The following B3GAT1 variants were observed in gnomAD, a reference collection of about 807,000 sequenced individuals.
B3GAT1 encodes the protein galactosylgalactosylxylosylprotein 3-beta-glucuronosyltransferase 1.
A neutral mutation model predicts 28.4 loss-of-function variants in B3GAT1; 11 were observed. The observed-to-expected ratio is 0.39, with a 90% CI of 0.24 to 0.64. The LOEUF (loss-of-function observed/expected upper bound fraction) is 0.64, where lower values mean the gene tolerates loss of function less well. Among genes scored for constraint, B3GAT1 ranks in the 30% least tolerant of loss-of-function variants. B3GAT1 has a pLI of 0.50. For synonymous variants in B3GAT1, 255 were observed against 223.1 expected, an observed-to-expected ratio of 1.14 and a Z score of -1.27; for missense variants, 375 against 491.0, an observed-to-expected ratio of 0.76 and a Z score of 2.23.
chr11:134,400,264 C>T lies in B3GAT1; in HGVS notation c.-282+11543G>A, dbSNP rs558315601. On this transcript the variant is annotated intron_variant, in intron 1 of 5. Coordinates refer to ENST00000312527, the MANE Select transcript of B3GAT1 (RefSeq NM_054025.3). Reference sequence around the variant, plus strand: ...CGGTTTTCACATTTGCACCCTAGCCCCGAGCCAGAAGCTCCTCCGGGGGCG... The same window carrying T: ...CGGTTTTCACATTTGCACCCTAGCCTCGAGCCAGAAGCTCCTCCGGGGGCG... Among the ~76,000 whole-genome samples, 6 of 152,166 alleles carry T rather than the reference C, an allele frequency of 3.9e-5. No homozygotes were observed. In the East Asian group the frequency reaches 1.2e-3, roughly 29 times the overall value.
At chr11:134,395,363 G>C (rs1161900340) in intron 1 of B3GAT1, among the ~76,000 whole-genome samples, 1 of 152,036 alleles carries the variant, frequency 6.6e-6, no homozygotes, top group African/African-American at 2.4e-5. Flanking sequence ...CAGGCCCATG[G>C]AAGACCCCAG....
chr11:134,402,912 C>CAAAA (rs970550896), intron 1 of B3GAT1, among the ~76,000 whole-genome samples: 1 of 83,484 alleles, frequency 1.2e-5, no homozygotes, highest in Non-Finnish European at 2.5e-5. Flanking sequence ...GACTCTGTTT[C>CAAAA]AAAAAAAAAA....
At chr11:134,410,035 G>T (rs1461202793) in intron 1 of B3GAT1, among the ~76,000 whole-genome samples, 1 of 152,164 alleles carries the variant, frequency 6.6e-6, no homozygotes, top group African/African-American at 2.4e-5. Context: ...AAGTATATCT[G>T]ACTTGGTCCC....
chr11:134,383,876 G>A lies in B3GAT1; in HGVS notation c.425C>T (p.Thr142Met), dbSNP rs1245779483. The A allele has an allele frequency of 1.9e-6, 3 of 1,596,356 alleles. No homozygotes were observed. Among genetic ancestry groups the A allele is most frequent in the South Asian group, 1.1e-5 (1 of 90,134 alleles). The change falls in exon 3 of 6, where the codon ACG (threonine) becomes ATG (methionine). Residue 142 changes from threonine (T) to methionine (M), a missense_variant. Thr to Met is a moderately conservative substitution (Grantham distance 81, BLOSUM62 -1). Coordinates refer to ENST00000312527, the MANE Select transcript of B3GAT1 (RefSeq NM_054025.3). ...GCGGGGCGTCTCCACGTGCAGGTGC[G>A]TGTAGTTGAGGCCGGTGTCGCGCAG... ...RLLRDTGLNY[T>M]HLHVETPRNY... is the part of the protein sequence containing the mutation.
At position 134,393,169 on chromosome 11, in the gene B3GAT1, A is replaced by G. The variant is rs1254846776; in HGVS notation, c.-281-5229T>C. On this transcript the variant is annotated intron_variant, in intron 1 of 5. Transcript: ENST00000312527. This position sits in a 1 kb window ranked among gnomAD's most constrained non-coding sequence, Gnocchi z 4.0. ...GAGGACGAGAAAGGCCTTTTTACCC[A>G]GTAAGATGGGAACAGTAGTTAAGTG... 1.3e-5 allele frequency among the ~76,000 whole-genome samples: 2 copies of G among 152,226 alleles called. No individual in the cohort carries two copies. Among genetic ancestry groups the G allele is most frequent in the Non-Finnish European group, 2.9e-5 (2 of 68,040 alleles).
At position 134,383,022 on chromosome 11, in the gene B3GAT1, C is replaced by T; in HGVS notation, c.622-16G>A. 6.5e-7 allele frequency: 1 copy of T among 1,529,398 alleles called. No homozygotes were observed. The highest frequency in any genetic ancestry group is 8.8e-7 in the Non-Finnish European group (1 of 1,136,538). The allele number at this position is 1,529,398 out of a possible 1,614,324, so 94.7% of individuals were successfully genotyped here. The stretch of plus-strand genomic sequence containing the variant: ...TGCTGCGCATCTACAAGGGGGGGGT[C>T]CAGAGTCAGGGCGCCGGCACTGCAG... On this transcript the variant is annotated splice_polypyrimidine_tract_variant and intron_variant, in intron 3 of 5. Transcript: ENST00000312527.
chr11:134,403,988 TATATATATATATA>T (rs1944673217), intron 1 of B3GAT1, among the ~76,000 whole-genome samples: 2 of 30,582 alleles, frequency 6.5e-5, no homozygotes, highest in African/African-American at 2.7e-4. Context: ...TTTCTTTATA[TATATATATATATA>T]TATATATATA....
intron 1 of B3GAT1, chr11:134,388,593 C>A (rs1167342868): frequency 6.6e-6 from 1 of 152,552 alleles, no homozygotes; most frequent in African/African-American, 2.4e-5. Context: ...TAGTACCCAA[C>A]AGGGCGTTTT....
rs535268897 is a variant in B3GAT1, at chr11:134,397,898, G to A, written c.-281-9958C>T. 3.3e-4 allele frequency among the ~76,000 whole-genome samples: 50 copies of A among 152,268 alleles called. 3 individuals are homozygous for A. In the South Asian group the frequency reaches 5.0e-3, roughly 15 times the overall value. Reference sequence around the variant, plus strand: ...CCCGCAGTGAGGAACAGCAAGCATGGGTTTGGTCCCGGTGTCCCCTCCCCC... The same window carrying A: ...CCCGCAGTGAGGAACAGCAAGCATGAGTTTGGTCCCGGTGTCCCCTCCCCC... On this transcript the variant is annotated intron_variant, in intron 1 of 5. Transcript: ENST00000312527.
In B3GAT1 at chr11:134,384,187, A is replaced by C; in HGVS notation, c.114T>G (p.Asp38Glu). Reference protein sequence around the residue: ...TLAPLLAVHKDEGSDPRRETP... With the variant: ...TLAPLLAVHKEEGSDPRRETP... ...TTTCGCGTCGGGGGTCACTGCCCTC[A>C]TCTGCGGAGTCGGGAGACCGGCGAT... The change falls in exon 3 of 6, where the codon GAT becomes GAG. Residue 38 changes from aspartate (D) to glutamate (E), a missense_variant and splice_region_variant. By Grantham distance (45) the Asp-to-Glu change is conservative. Coordinates refer to ENST00000312527, the MANE Select transcript of B3GAT1 (RefSeq NM_054025.3). 6.5e-7 allele frequency: 1 copy of C among 1,534,474 alleles called. No homozygotes were observed. The highest frequency in any genetic ancestry group is 8.8e-7 in the Non-Finnish European group (1 of 1,141,076).
rs1463053285 is a variant in B3GAT1, at chr11:134,412,114, G to GGGGAGGGGGGAGGTGGAGCA, written c.-590_-589insTGCTCCACCTCCCCCCTCCC. On this transcript the variant is annotated 5_prime_UTR_variant, in exon 1 of 6. Transcript: ENST00000312527. ...GGGGCGGGGGGCGGGGAGGGGGAGC[G>GGGGAGGGGGGAGGTGGAGCA]GGGAGGGGGAGCGGGGAGCGGGCGC... Among the ~76,000 whole-genome samples the GGGGAGGGGGGAGGTGGAGCA allele has an allele frequency of 7.2e-6, 1 of 139,282 alleles. No homozygotes were observed. Among genetic ancestry groups the GGGGAGGGGGGAGGTGGAGCA allele is most frequent in the African/African-American group, 2.6e-5 (1 of 38,702 alleles). The allele number at this position is 139,282 out of a possible 152,430, so 91.4% of individuals were successfully genotyped here.
At chr11:134,399,000 A>G (rs1691505157) in intron 1 of B3GAT1, among the ~76,000 whole-genome samples, 1 of 152,172 alleles carries the variant, frequency 6.6e-6, no homozygotes, top group African/African-American at 2.4e-5. Flanking sequence ...TTCTCCAACC[A>G]GAGCCCACTG....
intron 1 of B3GAT1, among the ~76,000 whole-genome samples, chr11:134,410,806 G>A (rs1436454615): frequency 2.6e-5 from 4 of 152,216 alleles, no homozygotes; most frequent in Non-Finnish European, 5.9e-5. Context: ...ACAGTGCTAG[G>A]CCCTACGACA....
chr11:134,387,703 C>A lies in B3GAT1; in HGVS notation c.-44G>T. On this transcript the variant is annotated 5_prime_UTR_variant, in exon 2 of 6. Transcript: ENST00000312527. ...CCACGGCTCCTCATTACCTGAGTGG[C>A]GGTAAGTTCAGGAGAGGGGCGGCCA... The A allele has an allele frequency of 6.2e-7, 1 of 1,611,980 alleles. No homozygotes were observed. The highest frequency in any genetic ancestry group is 8.5e-7 in the Non-Finnish European group (1 of 1,179,292).
chr11:134,406,554 G>A (rs866471189), intron 1 of B3GAT1, among the ~76,000 whole-genome samples: 9 of 150,796 alleles, frequency 6.0e-5, no homozygotes, highest in African/African-American at 9.8e-5. Context: ...GTGGGGGGGC[G>A]GCCTGGCAGA....
Position 134,383,984 on chromosome 11 carries a change from G to T in B3GAT1, c.317C>A (p.Ala106Asp). The change falls in exon 3 of 6, where the codon GCC becomes GAC. Residue 106 changes from alanine (A) to aspartate (D), a missense_variant. By Grantham distance (126) the Ala-to-Asp change is moderately radical. Coordinates refer to ENST00000312527, the MANE Select transcript of B3GAT1 (RefSeq NM_054025.3). ...GTTGGGCACGTGCAGCAGCGTGTTGGCCATGCGCGTCAGCTCGGCCTTCTG... is the reference window on the plus strand; with the variant it reads ...GTTGGGCACGTGCAGCAGCGTGTTGTCCATGCGCGTCAGCTCGGCCTTCTG... Reference protein sequence around the residue: ...PVQKAELTRMANTLLHVPNLH... With the variant: ...PVQKAELTRMDNTLLHVPNLH... The T allele has an allele frequency of 6.2e-7, 1 of 1,603,030 alleles. No homozygotes were observed.
At chr11:134,387,204 C>A in intron 2 of B3GAT1, 1 of 287,610 alleles carries the variant, frequency 3.5e-6, no homozygotes, top group Non-Finnish European at 6.6e-6. Context: ...CCACTCCCTC[C>A]ACTTCCCACC....
chr11:134,405,107 G>A (rs1054456211), intron 1 of B3GAT1, among the ~76,000 whole-genome samples: 4 of 152,174 alleles, frequency 2.6e-5, no homozygotes, highest in Admixed American at 2.0e-4. Flanking sequence ...GGGGGGTGAC[G>A]ATATTGTTGA....
intron 1 of B3GAT1, among the ~76,000 whole-genome samples, chr11:134,397,921 C>G (rs1216369323): frequency 6.6e-6 from 1 of 152,142 alleles, no homozygotes; most frequent in Non-Finnish European, 1.5e-5. Flanking sequence ...TGTCCCCTCC[C>G]CCTTGCCCAG....
Sources: allele counts gnomAD v4.1 joint callset (sites outside exome capture counted in the v4.1 genomes callset), GRCh38; gene constraint gnomAD v4.1.1; non-coding constraint Gnocchi (gnomAD v3.1); transcripts MANE v1.5; gene names NCBI Gene and HGNC (gene_info 2026-07-23, HGNC 2026-07-21).